Variants in TRHDE observed in about 807,000 individuals in gnomAD.
TRHDE encodes thyrotropin-releasing hormone-degrading ectoenzyme.
A neutral mutation model predicts 125.7 loss-of-function variants in TRHDE; 72 were observed. The observed-to-expected ratio is 0.57, with a 90% confidence interval of 0.47 to 0.70. The LOEUF (loss-of-function observed/expected upper bound fraction) is 0.70, where lower values mean the gene tolerates loss of function less well. TRHDE is among the 30% of genes least tolerant of loss of function. The pLI is 0.00. For synonymous variants in TRHDE, 509 were observed against 509.1 expected, an observed-to-expected ratio of 1.00 and a Z score of 0.00; for missense variants, 1,110 against 1,327.1, an observed-to-expected ratio of 0.84 and a Z score of 2.54.
intron 2 of TRHDE, among the ~76,000 whole-genome samples, chr12:72,211,075 G>T (rs1041289729): frequency 1.3e-5 from 2 of 152,108 alleles, no homozygotes; most frequent in Non-Finnish European, 2.9e-5. Flanking sequence ...CACTTAAAGG[G>T]AACTCAATGA....
chr12:72,552,310 T>A (rs1355120340), intron 7 of TRHDE, among the ~76,000 whole-genome samples: 1 of 152,100 alleles, frequency 6.6e-6, no homozygotes, highest in African/African-American at 2.4e-5. Flanking sequence ...TTCATAGAAA[T>A]AGAGACATAG....
At chr12:72,327,265 C>G (rs986406253) in intron 2 of TRHDE, among the ~76,000 whole-genome samples, 4 of 152,046 alleles carry the variant, frequency 2.6e-5, no homozygotes, top group African/African-American at 9.7e-5. Context: ...TCTTATTTTC[C>G]TTTAATTAAC....
chr12:72,157,012 G>A (rs976039114), intron 2 of TRHDE, among the ~76,000 whole-genome samples: 26 of 152,124 alleles, frequency 1.7e-4, no homozygotes, highest in South Asian at 2.1e-4. Context: ...GAGATGACAC[G>A]TAACTGATAT....
intron 2 of TRHDE, among the ~76,000 whole-genome samples, chr12:72,155,987 C>G (rs1036715445): frequency 6.6e-6 from 1 of 152,186 alleles, no homozygotes; most frequent in Non-Finnish European, 1.5e-5. Flanking sequence ...TGCCCTGCCC[C>G]CAGAGGTGGA....
chr12:72,212,340 A>G (rs969350702), intron 2 of TRHDE, among the ~76,000 whole-genome samples: 1 of 152,006 alleles, frequency 6.6e-6, no homozygotes, highest in Non-Finnish European at 1.5e-5. Context: ...CCAGAAGTAC[A>G]AGCAACCAAA....
rs146647040 is a variant in TRHDE, at chr12:72,447,674, C to T, written c.1316-22084C>T. On this transcript the variant is annotated intron_variant, in intron 3 of 18. Transcript: ENST00000261180. ...GTATGAATACTATTTTTAAAATCAC[C>T]TTCTAAGTCTGATGTTTTAAACCCT... Among the ~76,000 whole-genome samples, 43 of 152,064 alleles carry T rather than the reference C, an allele frequency of 2.8e-4. 1 individual carries two copies. In the East Asian group the frequency reaches 7.5e-3, roughly 27 times the overall value.
At chr12:72,623,532 G>A (rs538066543) in intron 15 of TRHDE, among the ~76,000 whole-genome samples, 27 of 152,010 alleles carry the variant, frequency 1.8e-4, no homozygotes, top group Non-Finnish European at 3.7e-4. Flanking sequence ...ATAATTCTCA[G>A]TACCATCTGG....
intron 2 of TRHDE, among the ~76,000 whole-genome samples, chr12:72,118,974 A>G (rs1374521195): frequency 2.6e-5 from 4 of 151,216 alleles, no homozygotes; most frequent in Non-Finnish European, 5.9e-5. Context: ...GATTTTGTTT[A>G]TCTTTTAAAA....
intron 15 of TRHDE, among the ~76,000 whole-genome samples, chr12:72,637,845 T>C (rs1254440223): frequency 6.6e-6 from 1 of 151,352 alleles, no homozygotes; most frequent in Non-Finnish European, 1.5e-5. Flanking sequence ...GAGTTCTAGT[T>C]TGATTGCACT....
intron 2 of TRHDE, chr12:72,139,976 C>G (rs1184846634): frequency 6.6e-6 from 1 of 152,148 alleles, no homozygotes; most frequent in East Asian, 1.9e-4. Context: ...AATAACATAC[C>G]AACGTGACAG....
intron 2 of TRHDE, among the ~76,000 whole-genome samples, chr12:72,220,487 T>C (rs963736338): frequency 6.6e-6 from 1 of 152,094 alleles, no homozygotes; most frequent in Non-Finnish European, 1.5e-5. Context: ...ATTCTTTAGG[T>C]TATTTTTTCA....
chr12:72,478,742 T>G (rs1280934278), intron 5 of TRHDE, among the ~76,000 whole-genome samples: 1 of 151,938 alleles, frequency 6.6e-6, no homozygotes. Context: ...TGTGCTGTAG[T>G]TGTACACTGA....
intron 3 of TRHDE, among the ~76,000 whole-genome samples, chr12:72,430,359 A>G (rs191282567): frequency 2.1e-4 from 31 of 146,038 alleles, no homozygotes; most frequent in Admixed American, 1.7e-3. Context: ...GTATACATAT[A>G]TACATATATA....
At chr12:72,333,769 G>A (rs1283321097) in intron 2 of TRHDE, among the ~76,000 whole-genome samples, 1 of 152,318 alleles carries the variant, frequency 6.6e-6, no homozygotes, top group Middle Eastern at 3.4e-3. Flanking sequence ...GAGGTAAAGT[G>A]TTATTTTGAA....
chr12:72,544,753 T>A (rs1869328723), intron 7 of TRHDE, among the ~76,000 whole-genome samples: 2 of 151,534 alleles, frequency 1.3e-5, no homozygotes, highest in African/African-American at 2.4e-5. Context: ...GTAAACTTTT[T>A]AAAAATACAT....
At chr12:72,377,304 C>CTTTTTTTTTTTTTTT (rs200021223) in intron 2 of TRHDE, among the ~76,000 whole-genome samples, 10 of 130,410 alleles carry the variant, frequency 7.7e-5, no homozygotes, top group African/African-American at 2.8e-4. Context: ...TTGCTTTAGG[C>CTTTTTTTTTTTTTTT]TTTTTTTTTT....
chr12:72,290,776 T>C (rs1428767789), intron 2 of TRHDE, among the ~76,000 whole-genome samples: 1 of 152,216 alleles, frequency 6.6e-6, no homozygotes, highest in African/African-American at 2.4e-5. Flanking sequence ...CTTAGGATGG[T>C]TGGCCTTCTT....
At chr12:72,285,701 A>G (rs970471155) in intron 1 of TRHDE, among the ~76,000 whole-genome samples, 2 of 151,782 alleles carry the variant, frequency 1.3e-5, no homozygotes, top group Non-Finnish European at 2.9e-5. Context: ...TTGTACTTTC[A>G]GTAGAGATGG....
upstream of TRHDE, among the ~76,000 whole-genome samples, chr12:72,269,833 A>T (rs189376810): frequency 4.7e-5 from 7 of 149,994 alleles, no homozygotes; most frequent in East Asian, 3.9e-4. Flanking sequence ...ACACATTTTT[A>T]AAAAAAGACA....
Sources: gnomAD v4.1 joint callset for allele counts (sites outside exome capture counted in the v4.1 genomes callset) on GRCh38, gnomAD v4.1.1 for gene constraint, MANE v1.5 for transcripts, NCBI Gene and HGNC (gene_info 2026-07-23, HGNC 2026-07-21) for gene names.